The following LINGO2 variants were observed in gnomAD, a reference collection of about 807,000 sequenced individuals.
LINGO2 encodes the protein leucine-rich repeat and immunoglobulin-like domain-containing nogo receptor-interacting protein 2.
A neutral mutation model predicts 30.6 loss-of-function variants in LINGO2; 14 were observed. That is an observed-to-expected ratio of 0.46 (90% CI 0.30 to 0.72). The LOEUF is 0.72. Among genes scored for constraint, LINGO2 ranks in the 30% least tolerant of loss-of-function variants. The pLI, the probability that LINGO2 is intolerant of heterozygous loss-of-function variation, is 0.07. For missense variants in LINGO2, 729 were observed against 751.7 expected (o/e 0.97, Z 0.35); for synonymous variants, 317 against 288.5 (o/e 1.10, Z -1.00).
At chr9:28,471,461 C>G (rs1825516175) in intron 2 of LINGO2, among the ~76,000 whole-genome samples, 1 of 152,176 alleles carries the variant, frequency 6.6e-6, no homozygotes, top group African/African-American at 2.4e-5. Flanking sequence ...GCATTATTCT[C>G]TCTCAGTGAC....
chr9:28,868,412 T>C, the LINGO2 span, among the ~76,000 whole-genome samples: 9 of 152,054 alleles, frequency 5.9e-5, no homozygotes, highest in African/African-American at 2.2e-4. Context: ...TGAGCATGTG[T>C]GTGTGTCTGC....
chr9:28,104,034 T>C (rs2133325684), intron 4 of LINGO2, among the ~76,000 whole-genome samples: 1 of 152,118 alleles, frequency 6.6e-6, no homozygotes, highest in East Asian at 1.9e-4. Flanking sequence ...TTCTATTACC[T>C]ATTATTTTAA....
intron 4 of LINGO2, among the ~76,000 whole-genome samples, chr9:28,142,194 C>T (rs1827692309): frequency 7.0e-6 from 1 of 141,994 alleles, no homozygotes; most frequent in Non-Finnish European, 1.5e-5. Flanking sequence ...AAGTTAAATA[C>T]TATGCATTAG....
chr9:28,509,956 G>A (rs1001702280), intron 1 of LINGO2, among the ~76,000 whole-genome samples: 16 of 152,302 alleles, frequency 1.1e-4, no homozygotes, highest in African/African-American at 3.6e-4. Context: ...TACAATCATT[G>A]CAATAATTCG....
chr9:28,058,614 A>G (rs551750080), intron 4 of LINGO2, among the ~76,000 whole-genome samples: 11 of 152,296 alleles, frequency 7.2e-5, no homozygotes, highest in African/African-American at 2.6e-4. Context: ...TTATACAAAC[A>G]CCAATGAACA....
At chr9:28,007,815 G>C (rs10968273) in intron 5 of LINGO2, among the ~76,000 whole-genome samples, 9,682 of 152,180 alleles carry the variant, frequency 0.064, 368 homozygotes, top group Non-Finnish European at 0.087. Context: ...AAGTGACCTG[G>C]TGTGAAAGTC....
At chr9:29,190,958 A>G in the LINGO2 span, among the ~76,000 whole-genome samples, 1 of 152,202 alleles carries the variant, frequency 6.6e-6, no homozygotes, top group Admixed American at 6.5e-5. Context: ...AGAAAGTTTC[A>G]TAAGGTCTCT....
intron 2 of LINGO2, among the ~76,000 whole-genome samples, chr9:28,435,236 AC>A (rs1240466898): frequency 2.0e-5 from 3 of 152,180 alleles, no homozygotes; most frequent in African/African-American, 7.2e-5. Context: ...GTTCAATTTT[AC>A]TGTAAAGTAA....
chr9:27,945,981 C>A (rs13362909), downstream of LINGO2, among the ~76,000 whole-genome samples: 5 of 151,948 alleles, frequency 3.3e-5, no homozygotes, highest in Non-Finnish European at 7.4e-5. Context: ...GGTAGTCTAT[C>A]GGAGGCCAAT....
intron 4 of LINGO2, among the ~76,000 whole-genome samples, chr9:28,154,540 T>A (rs968593763): frequency 1.3e-5 from 2 of 152,168 alleles, no homozygotes; most frequent in Non-Finnish European, 2.9e-5. Context: ...AAATGAGGGT[T>A]TATTCACAGA....
chr9:28,614,607 C>T (rs1826056472), intron 1 of LINGO2, among the ~76,000 whole-genome samples: 1 of 152,016 alleles, frequency 6.6e-6, no homozygotes, highest in Admixed American at 6.6e-5. Context: ...AAAGAGGCAG[C>T]TAGATTTCAT....
rs140833496 is a variant in LINGO2, at chr9:28,317,759, C to T, written c.-245-22393G>A. On this transcript the variant is annotated intron_variant, in intron 3 of 5. Coordinates refer to ENST00000379992, the Ensembl canonical transcript of LINGO2. ...ATATTATATTAATTCATACAGGGTA[C>T]GAGAACAGCCAGCTGTGTTAGCAGT... Among the ~76,000 whole-genome samples, 31 of 152,234 alleles carry T rather than the reference C, an allele frequency of 2.0e-4. No individual in the cohort carries two copies. The East Asian group carries it at 6.0e-3, about 29-fold the overall frequency.
At chr9:28,509,004 C>A (rs1820263658) in intron 1 of LINGO2, among the ~76,000 whole-genome samples, 1 of 152,122 alleles carries the variant, frequency 6.6e-6, no homozygotes, top group Non-Finnish European at 1.5e-5. Flanking sequence ...TAATCTGCTG[C>A]CATTTCATAT....
the LINGO2 span, among the ~76,000 whole-genome samples, chr9:29,101,359 A>C: frequency 1.3e-5 from 2 of 152,180 alleles, no homozygotes; most frequent in Non-Finnish European, 2.9e-5. Context: ...AATCTATGGA[A>C]AGAGATTCAT....
chr9:29,083,567 A>T, the LINGO2 span, among the ~76,000 whole-genome samples: 1 of 151,906 alleles, frequency 6.6e-6, no homozygotes, highest in Non-Finnish European at 1.5e-5. Context: ...TGTAACCTAG[A>T]ACTTAAATAT....
At chr9:28,835,095 G>A in the LINGO2 span, among the ~76,000 whole-genome samples, 1 of 152,194 alleles carries the variant, frequency 6.6e-6, no homozygotes, top group Non-Finnish European at 1.5e-5. Flanking sequence ...CCATGAGGAA[G>A]GAGGTGCTGA....
At chr9:29,016,885 C>T in the LINGO2 span, among the ~76,000 whole-genome samples, 8 of 152,102 alleles carry the variant, frequency 5.3e-5, no homozygotes, top group African/African-American at 1.9e-4. Flanking sequence ...CTTACCAGTG[C>T]CTTTGTGTTT....
chr9:28,237,620 C>T (rs1188805389), intron 4 of LINGO2, among the ~76,000 whole-genome samples: 1 of 152,100 alleles, frequency 6.6e-6, no homozygotes, highest in Non-Finnish European at 1.5e-5. Context: ...AAGGCCGAGG[C>T]AGGTGGATCA....
intron 4 of LINGO2, among the ~76,000 whole-genome samples, chr9:28,100,163 C>T (rs2133307856): frequency 6.6e-6 from 1 of 152,180 alleles, no homozygotes; most frequent in South Asian, 2.1e-4. Context: ...AGCATCGTAC[C>T]TAAAATATAT....
Sources: gnomAD v4.1 joint callset for allele counts (sites outside exome capture counted in the v4.1 genomes callset) on GRCh38, gnomAD v4.1.1 for gene constraint, MANE v1.5 for transcripts, NCBI Gene and HGNC (gene_info 2026-07-23, HGNC 2026-07-21) for gene names.